Variants in CFAP299 observed in about 807,000 individuals in gnomAD.
The protein encoded by CFAP299 is cilia- and flagella-associated protein 299.
Under a neutral mutation model 27.0 loss-of-function variants are expected in CFAP299, and 21 were observed. The observed-to-expected ratio is 0.78, with a 90% CI of 0.55 to 1.12. The LOEUF (loss-of-function observed/expected upper bound fraction) is 1.12. Ranked by LOEUF, CFAP299 falls within the 50% of genes most tolerant of loss-of-function variation. The pLI, the probability that CFAP299 is intolerant of heterozygous loss-of-function variation, is 0.00. For synonymous variants in CFAP299, 104 were observed against 98.1 expected (o/e 1.06, Z -0.36); for missense variants, 310 against 276.6 (o/e 1.12, Z -0.86).
chr4:80,815,991 AT>A (rs1729402191), intron 3 of CFAP299, among the ~76,000 whole-genome samples: 1 of 152,030 alleles, frequency 6.6e-6, no homozygotes, highest in Non-Finnish European at 1.5e-5. Flanking sequence ...CTTTCCAAAG[AT>A]TTATGATTCC....
chr4:80,394,409 T>G (rs1560546107), intron 2 of CFAP299, among the ~76,000 whole-genome samples: 1 of 151,234 alleles, frequency 6.6e-6, no homozygotes, highest in Non-Finnish European at 1.5e-5. Flanking sequence ...TACACAGTTT[T>G]TTTTTTTTTT....
At chr4:80,365,729 G>T (rs1309535300) in intron 2 of CFAP299, among the ~76,000 whole-genome samples, 1 of 152,118 alleles carries the variant, frequency 6.6e-6, no homozygotes, top group Admixed American at 6.5e-5. Flanking sequence ...AAATATTTTT[G>T]TGAGATTTTA....
At chr4:80,378,393 TTTA>T (rs1420166410) in intron 2 of CFAP299, among the ~76,000 whole-genome samples, 14 of 152,056 alleles carry the variant, frequency 9.2e-5, no homozygotes, top group East Asian at 1.9e-4. Flanking sequence ...TTTGTATGCT[TTTA>T]TTATTATTAT....
chr4:80,423,652 G>A (rs1727396568), intron 2 of CFAP299, among the ~76,000 whole-genome samples: 1 of 152,182 alleles, frequency 6.6e-6, no homozygotes, highest in Admixed American at 6.5e-5. Flanking sequence ...TGTCTCAGCT[G>A]GCGGCTGGGC....
intron 3 of CFAP299, among the ~76,000 whole-genome samples, chr4:80,732,368 AT>A (rs1311656017): frequency 6.6e-6 from 1 of 152,068 alleles, no homozygotes; most frequent in Non-Finnish European, 1.5e-5. Flanking sequence ...GATTTCTTTC[AT>A]TTTTAATAAT....
At chr4:80,557,082 A>G (rs1029498580) in intron 2 of CFAP299, among the ~76,000 whole-genome samples, 1 of 152,088 alleles carries the variant, frequency 6.6e-6, no homozygotes, top group African/African-American at 2.4e-5. Flanking sequence ...ATTTTCTATT[A>G]AACCACAGAT....
rs1318593208 is a variant in CFAP299, at chr4:80,799,308, TTA to T, written c.334-70676_334-70675del. On this transcript the variant is annotated intron_variant, in intron 3 of 5. Transcript: ENST00000358105. The stretch of plus-strand genomic sequence containing the variant: ...TTGTATAAATATATTTATATAATAT[TTA>T]TATATATAAATATATTTATATAATA... Among the ~76,000 whole-genome samples, 34 of 104,846 alleles carry T rather than the reference TTA, an allele frequency of 3.2e-4. 1 individual carries two copies. The highest frequency in any genetic ancestry group is 4.9e-4 in the Non-Finnish European group (29 of 59,026). The allele number at this position is 104,846 out of a possible 152,430, so 68.8% of individuals were successfully genotyped here. A position where few individuals can be genotyped will look rare whatever the true frequency, so the allele number is the denominator to read the frequency against.
chr4:80,565,213 A>G (rs1735221199), intron 2 of CFAP299, among the ~76,000 whole-genome samples: 1 of 152,028 alleles, frequency 6.6e-6, no homozygotes, highest in Non-Finnish European at 1.5e-5. Flanking sequence ...TATTTTTCGT[A>G]GCAAATAAGG....
intron 2 of CFAP299, among the ~76,000 whole-genome samples, chr4:80,438,059 T>C (rs13129145): frequency 0.63 from 95,116 of 152,116 alleles, 33,057 homozygotes; most frequent in Non-Finnish European, 0.76. Context: ...AAGCTTGCTG[T>C]GTCATTGGGG....
At chr4:80,630,745 CATAAT>C (rs561674731) in intron 3 of CFAP299, among the ~76,000 whole-genome samples, 28 of 151,962 alleles carry the variant, frequency 1.8e-4, no homozygotes, top group South Asian at 1.5e-3. Context: ...ACAATAGAAG[CATAAT>C]ATAAGTACTT....
chr4:80,495,584 T>C (rs992252914), intron 2 of CFAP299, among the ~76,000 whole-genome samples: 3 of 152,226 alleles, frequency 2.0e-5, no homozygotes, highest in Non-Finnish European at 2.9e-5. Context: ...GGAAAACAGC[T>C]TGAGGCCAGG....
At chr4:80,504,476 TATATATATATATATA>T (rs1305056380) in intron 2 of CFAP299, among the ~76,000 whole-genome samples, 1 of 112,882 alleles carries the variant, frequency 8.9e-6, no homozygotes, top group Non-Finnish European at 1.9e-5. Context: ...TATATATATA[TATATATATATATATA>T]TATATATATA....
At chr4:80,946,160 C>T (rs1737465313) in intron 5 of CFAP299, among the ~76,000 whole-genome samples, 1 of 150,108 alleles carries the variant, frequency 6.7e-6, no homozygotes, top group African/African-American at 2.5e-5. Context: ...AATTCTGTAA[C>T]AAGAAATAGA....
intron 4 of CFAP299, among the ~76,000 whole-genome samples, chr4:80,890,282 G>A (rs1344042802): frequency 6.6e-6 from 1 of 152,058 alleles, no homozygotes; most frequent in Non-Finnish European, 1.5e-5. Flanking sequence ...CAATAAAGTT[G>A]CGTGATACAA....
rs190139022 is a variant in CFAP299 at position 80,884,825 on chromosome 4, A to T, written c.476+14690A>T. Among the ~76,000 whole-genome samples, 577 of 152,290 alleles carry T rather than the reference A, an allele frequency of 3.8e-3. 1 individual carries two copies. Among genetic ancestry groups the T allele is most frequent in the Middle Eastern group, 0.017 (5 of 294 alleles). ...ATTCATCACCCCCATTCACTGGAAC[A>T]CCAAATTTTAACAAGTATCTTCACA... On this transcript the variant is annotated intron_variant, in intron 4 of 5. Coordinates refer to ENST00000358105, the MANE Select transcript of CFAP299 (RefSeq NM_152770.3).
chr4:80,775,241 G>T (rs1395016890), intron 3 of CFAP299, among the ~76,000 whole-genome samples: 1 of 151,672 alleles, frequency 6.6e-6, no homozygotes, highest in Non-Finnish European at 1.5e-5. Flanking sequence ...CTAACATAGG[G>T]ATATATTTGT....
chr4:80,524,028 TG>T (rs1252620895), intron 2 of CFAP299, among the ~76,000 whole-genome samples: 1 of 152,112 alleles, frequency 6.6e-6, no homozygotes. Context: ...TCACTTCTCT[TG>T]AAACAAATTA....
intron 2 of CFAP299, among the ~76,000 whole-genome samples, chr4:80,460,356 T>A (rs752540459): frequency 6.6e-6 from 1 of 152,220 alleles, no homozygotes; most frequent in Non-Finnish European, 1.5e-5. Context: ...AGGCAACCTT[T>A]TAGCTATTCT....
intron 3 of CFAP299, among the ~76,000 whole-genome samples, chr4:80,825,730 G>A (rs1729949299): frequency 6.6e-6 from 1 of 151,844 alleles, no homozygotes; most frequent in African/African-American, 2.4e-5. Context: ...GACCTGTTGT[G>A]CAAGAAATTA....
Sources: allele counts gnomAD v4.1 joint callset (sites outside exome capture counted in the v4.1 genomes callset), GRCh38; gene constraint gnomAD v4.1.1; transcripts MANE v1.5; gene names NCBI Gene and HGNC (gene_info 2026-07-23, HGNC 2026-07-21).